KLF12: variants seen among roughly 807,000 people sequenced by gnomAD.
KLF12 encodes Krueppel-like factor 12.
In KLF12, 9 loss-of-function variants were observed where a neutral mutation model predicts 37.8. That is an observed-to-expected ratio of 0.24 (90% CI 0.14 to 0.42). The LOEUF is 0.42. Ranked by LOEUF, KLF12 falls within the 10% of genes least tolerant of loss-of-function variation. The probability of loss-of-function intolerance (pLI) is 1.00; values close to 1 mark genes in which losing one functional copy is unlikely to be tolerated. For missense variants in KLF12, 411 were observed against 516.0 expected, an observed-to-expected ratio of 0.80 and a Z score of 1.97; for synonymous variants, 208 against 202.1, an observed-to-expected ratio of 1.03 and a Z score of -0.25.
chr13:74,232,074 C>T, the KLF12 span, among the ~76,000 whole-genome samples: 2,271 of 152,204 alleles, frequency 0.015, 57 homozygotes, highest in African/African-American at 0.052. Flanking sequence ...CTGGGAGTAA[C>T]ATAAACTAAT....
At chr13:74,174,597 A>G in the KLF12 span, among the ~76,000 whole-genome samples, 1 of 151,824 alleles carries the variant, frequency 6.6e-6, no homozygotes, top group South Asian at 2.1e-4. Context: ...GCATTCACTG[A>G]TGTTCCTGCC....
intron 5 of KLF12, among the ~76,000 whole-genome samples, chr13:73,806,123 T>TC (rs147975241): frequency 6.6e-6 from 1 of 151,108 alleles, no homozygotes; most frequent in Non-Finnish European, 1.5e-5. Flanking sequence ...TTTCTTTTTT[T>TC]TTTTTTGAGA....
At chr13:74,287,884 T>C in the KLF12 span, among the ~76,000 whole-genome samples, 1 of 152,210 alleles carries the variant, frequency 6.6e-6, no homozygotes, top group African/African-American at 2.4e-5. Flanking sequence ...TATTCACTGC[T>C]CATCCAGCAC....
chr13:74,053,606 A>G (rs765397867), intron 1 of KLF12, among the ~76,000 whole-genome samples: 17 of 152,328 alleles, frequency 1.1e-4, no homozygotes, highest in Non-Finnish European at 2.5e-4. Context: ...ACCCTGAAAC[A>G]GTTAACCACT....
intron 1 of KLF12, among the ~76,000 whole-genome samples, chr13:74,043,065 T>C (rs532571353): frequency 2.6e-5 from 4 of 152,326 alleles, no homozygotes; most frequent in Admixed American, 6.5e-5. Context: ...TCGGACAGAC[T>C]GAAAAATCTC....
the KLF12 span, among the ~76,000 whole-genome samples, chr13:74,207,751 A>G: frequency 2.0e-5 from 3 of 152,150 alleles, no homozygotes; most frequent in Non-Finnish European, 4.4e-5. Context: ...TTCATCCCCA[A>G]ATCAAGTGAC....
the KLF12 span, among the ~76,000 whole-genome samples, chr13:74,226,887 A>G: frequency 6.6e-6 from 1 of 152,134 alleles, no homozygotes; most frequent in Admixed American, 6.6e-5. Flanking sequence ...GAGAAACCAT[A>G]GTAGTCATTT....
chr13:74,082,176 A>AAAAAAAAAAT (rs1370632380), intron 1 of KLF12, among the ~76,000 whole-genome samples: 1 of 150,800 alleles, frequency 6.6e-6, no homozygotes, highest in South Asian at 2.1e-4. Flanking sequence ...AAAAAAAAAA[A>AAAAAAAAAAT]AACAAAGTTA....
At chr13:73,736,979 T>C (rs766790842) in intron 6 of KLF12, among the ~76,000 whole-genome samples, 2 of 152,230 alleles carry the variant, frequency 1.3e-5, no homozygotes, top group Admixed American at 1.3e-4. Flanking sequence ...CTTCATTATA[T>C]ACCAACTTCA....
At chr13:74,072,039 T>A (rs1032450108) in intron 1 of KLF12, among the ~76,000 whole-genome samples, 6 of 151,772 alleles carry the variant, frequency 4.0e-5, no homozygotes, top group African/African-American at 1.5e-4. Flanking sequence ...AATACTGGGG[T>A]AGTATCCAAA....
the KLF12 span, among the ~76,000 whole-genome samples, chr13:74,270,446 G>A: frequency 1.3e-5 from 2 of 152,154 alleles, no homozygotes; most frequent in Non-Finnish European, 2.9e-5. Context: ...CTCAATAAAA[G>A]TTGTGGACAT....
the KLF12 span, among the ~76,000 whole-genome samples, chr13:74,191,836 T>A: frequency 6.6e-6 from 1 of 152,174 alleles, no homozygotes; most frequent in South Asian, 2.1e-4. Context: ...TCTATATATA[T>A]ATAAAATGTA....
intron 1 of KLF12, among the ~76,000 whole-genome samples, chr13:74,046,584 T>C (rs1039893885): frequency 4.6e-5 from 7 of 152,182 alleles, no homozygotes; most frequent in African/African-American, 1.7e-4. Context: ...ACTATGTCAC[T>C]GGGTGGGACC....
At chr13:73,696,059 G>T (rs1313900711) in intron 7 of KLF12, among the ~76,000 whole-genome samples, 1 of 152,046 alleles carries the variant, frequency 6.6e-6, no homozygotes, top group Non-Finnish European at 1.5e-5. Flanking sequence ...GTTATGCCTT[G>T]TTTCAACACC....
intron 5 of KLF12, among the ~76,000 whole-genome samples, chr13:73,784,415 T>C (rs553680165): frequency 1.3e-5 from 2 of 152,262 alleles, no homozygotes; most frequent in South Asian, 2.1e-4. Flanking sequence ...TCCAGACTTG[T>C]ATTTTTGTCG....
intron 5 of KLF12, among the ~76,000 whole-genome samples, chr13:73,766,357 C>T (rs1158153796): frequency 1.3e-5 from 2 of 152,116 alleles, no homozygotes; most frequent in African/African-American, 2.4e-5. Flanking sequence ...GAAATGAAAG[C>T]CAGTTCATAA....
At chr13:74,121,044 A>G (rs1265763089) in intron 1 of KLF12, among the ~76,000 whole-genome samples, 2 of 152,136 alleles carry the variant, frequency 1.3e-5, no homozygotes, top group Non-Finnish European at 2.9e-5. Flanking sequence ...TTAAATTGCC[A>G]AAACACTCCA....
intron 5 of KLF12, among the ~76,000 whole-genome samples, chr13:73,769,965 C>T (rs1241590271): frequency 6.6e-6 from 1 of 152,094 alleles, no homozygotes; most frequent in Non-Finnish European, 1.5e-5. Context: ...TTATTATGTA[C>T]AAATACGTTC....
At chr13:74,123,235 T>C (rs1419706468) in intron 1 of KLF12, among the ~76,000 whole-genome samples, 1 of 152,150 alleles carries the variant, frequency 6.6e-6, no homozygotes, top group Non-Finnish European at 1.5e-5. Flanking sequence ...TATACACATT[T>C]AAGATTAAAA....
Sources: gnomAD v4.1 joint callset for allele counts (sites outside exome capture counted in the v4.1 genomes callset) on GRCh38, gnomAD v4.1.1 for gene constraint, MANE v1.5 for transcripts, NCBI Gene and HGNC (gene_info 2026-07-23, HGNC 2026-07-21) for gene names.